LAIR2: variants seen among roughly 807,000 people sequenced by gnomAD.
LAIR2 encodes the protein leukocyte associated immunoglobulin like receptor 2.
Under a neutral mutation model 14.8 loss-of-function variants are expected in LAIR2, and 14 were observed. The ratio of observed to expected loss-of-function variants is 0.95; its 90% CI spans 0.62 to 1.48. The LOEUF is 1.48. Among genes scored for constraint, LAIR2 ranks in the 40% most tolerant of loss-of-function variants. LAIR2 has a pLI of 0.00. For missense variants in LAIR2, 172 were observed against 180.9 expected (o/e 0.95, Z 0.28); for synonymous variants, 75 against 74.5 (o/e 1.01, Z -0.03).
chr19:54,506,701 G>A (rs1179702333), intron 2 of LAIR2, among the ~76,000 whole-genome samples: 2 of 152,162 alleles, frequency 1.3e-5, no homozygotes, highest in African/African-American at 4.8e-5. Flanking sequence ...TCACATTTGC[G>A]GAATTAGCAG....
Position 54,507,880 on chromosome 19 carries a change from T to C in LAIR2, c.71-11T>C. On this transcript the variant is annotated splice_polypyrimidine_tract_variant and intron_variant, in intron 2 of 4. Transcript: ENST00000301202. Reference sequence around the variant, plus strand: ...AGTGGACGCTGAGATCCTTCTTTGCTTCCCTCTTAGGGGCCCTTCCCAGAC... The same window carrying C: ...AGTGGACGCTGAGATCCTTCTTTGCCTCCCTCTTAGGGGCCCTTCCCAGAC... 2 of 1,609,410 alleles carry C rather than the reference T, an allele frequency of 1.2e-6. No homozygotes were observed. The highest frequency in any genetic ancestry group is 8.5e-7 in the Non-Finnish European group (1 of 1,177,126).
rs1214199984 is a variant in LAIR2 at position 54,507,895 on chromosome 19, C to A, written c.75C>A (p.Ala25=). ...CCTTCTTTGCTTCCCTCTTAGGGGC[C>A]CTTCCCAGACCCTCCATCTCGGCTG... ...LAQTIHTQEG[A]LPRPSISAEP... Residue 25 remains alanine (A), a synonymous_variant, in exon 3 of 5, where the codon GCC becomes GCA. Transcript: ENST00000301202. 6.2e-7 allele frequency: 1 copy of A among 1,613,454 alleles called. No individual in the cohort carries two copies. The highest frequency in any genetic ancestry group is 2.2e-5 in the East Asian group (1 of 44,862).
At chr19:54,505,254 C>A (rs2085344712) in intron 2 of LAIR2, among the ~76,000 whole-genome samples, 1 of 152,066 alleles carries the variant, frequency 6.6e-6, no homozygotes, top group South Asian at 2.1e-4. Flanking sequence ...CAGACGAGCC[C>A]ACACTTCACT....
In LAIR2 at chr19:54,502,912, C is replaced by CG; in HGVS notation, c.-3dup. 1 of 1,614,056 alleles carries CG rather than the reference C, an allele frequency of 6.2e-7. No individual in the cohort carries two copies. The highest frequency in any genetic ancestry group is 8.5e-7 in the Non-Finnish European group (1 of 1,179,962). ...TGTGTCTGCTGCAGAGTTCTGGGAC[C>CG]GGGGCCATGTCTCCACACCTCACTG... On this transcript the variant is annotated 5_prime_UTR_variant, in exon 1 of 5. Coordinates refer to ENST00000301202, the MANE Select transcript of LAIR2 (RefSeq NM_002288.6).
intron 4 of LAIR2, among the ~76,000 whole-genome samples, chr19:54,510,044 C>T (rs2085441075): frequency 6.9e-6 from 1 of 145,510 alleles, no homozygotes; most frequent in African/African-American, 2.6e-5. Context: ...GGAGCGATGC[C>T]GTGCTCCATC....
intron 2 of LAIR2, among the ~76,000 whole-genome samples, chr19:54,507,151 C>T (rs1193003711): frequency 1.3e-5 from 2 of 151,252 alleles, no homozygotes; most frequent in Non-Finnish European, 3.0e-5. Flanking sequence ...ACACAACCTT[C>T]CTGTTTCAGG....
At chr19:54,506,268 C>T (rs989582747) in intron 2 of LAIR2, among the ~76,000 whole-genome samples, 30 of 152,090 alleles carry the variant, frequency 2.0e-4, no homozygotes, top group African/African-American at 7.0e-4. Context: ...TCCTCCTGTG[C>T]GAATCATTTT....
At chr19:54,507,571 A>G (rs2277976) in intron 2 of LAIR2, among the ~76,000 whole-genome samples, 12,161 of 124,708 alleles carry the variant, frequency 0.098, 614 homozygotes, top group Non-Finnish European at 0.15. Flanking sequence ...CTGTCCCTCT[A>G]GAAAGTGGCC....
chr19:54,503,415 G>T (rs1348257129), intron 1 of LAIR2, among the ~76,000 whole-genome samples: 1 of 151,440 alleles, frequency 6.6e-6, no homozygotes, highest in Admixed American at 6.6e-5. Context: ...CTAAGATCGC[G>T]CCACTGCACT....
chr19:54,507,002 A>T (rs2085375500), intron 2 of LAIR2, among the ~76,000 whole-genome samples: 2 of 151,958 alleles, frequency 1.3e-5, no homozygotes, highest in East Asian at 3.9e-4. Context: ...CACAGTGTAT[A>T]CCTGTATCAA....
chr19:54,503,963 T>G (rs528209525), intron 2 of LAIR2, among the ~76,000 whole-genome samples: 1 of 152,240 alleles, frequency 6.6e-6, no homozygotes, highest in African/African-American at 2.4e-5. Flanking sequence ...TATTTTATTT[T>G]ATTTTTATTT....
intron 2 of LAIR2, among the ~76,000 whole-genome samples, chr19:54,505,362 CTGGTG>C (rs1217475147): frequency 6.6e-6 from 1 of 152,050 alleles, no homozygotes; most frequent in East Asian, 1.9e-4. Flanking sequence ...TCACCCAGTC[CTGGTG>C]ATTTCACTCT....
intron 4 of LAIR2, 67 bp from the exon 5 acceptor site, chr19:54,510,459 T>C (rs540161936): frequency 4.4e-6 from 6 of 1,367,538 alleles, no homozygotes; most frequent in East Asian, 4.6e-5. Context: ...CTGACATCAG[T>C]GCTGATTAGA....
intron 2 of LAIR2, among the ~76,000 whole-genome samples, chr19:54,506,026 T>C (rs1395811930): frequency 6.6e-6 from 1 of 152,098 alleles, no homozygotes; most frequent in Non-Finnish European, 1.5e-5. Context: ...GGATTCACCA[T>C]GTTGATCAGG....
Position 54,510,613 on chromosome 19 carries a change from A to G in LAIR2, c.*44A>G. On this transcript the variant is annotated 3_prime_UTR_variant, in exon 5 of 5. Transcript: ENST00000301202. ...CCGTCTTGTGAACTTCAATGGGGAG[A>G]AATAATTAGAATGAGCAATAGAAAT... The G allele has an allele frequency of 6.2e-7, 1 of 1,607,200 alleles. No homozygotes were observed. Among genetic ancestry groups the G allele is most frequent in the Non-Finnish European group, 8.5e-7 (1 of 1,173,668 alleles).
At chr19:54,508,457 T>C (rs2085409998) in intron 3 of LAIR2, among the ~76,000 whole-genome samples, 1 of 152,204 alleles carries the variant, frequency 6.6e-6, no homozygotes, top group Non-Finnish European at 1.5e-5. Flanking sequence ...TGGCTCTGCT[T>C]GGCTGGGTGG....
intron 2 of LAIR2, among the ~76,000 whole-genome samples, chr19:54,506,506 A>G (rs2085366485): frequency 6.6e-6 from 1 of 152,110 alleles, no homozygotes; most frequent in Non-Finnish European, 1.5e-5. Context: ...CAGCTCAGAG[A>G]GAGCTTCCCC....
chr19:54,507,968 C>T lies in LAIR2; in HGVS notation c.148C>T (p.Arg50Trp), dbSNP rs549190694. The change falls in exon 3 of 5, where the codon CGG (arginine) becomes TGG (tryptophan). Residue 50 changes from arginine (R) to tryptophan (W), a missense_variant. Coordinates refer to ENST00000301202, the MANE Select transcript of LAIR2 (RefSeq NM_002288.6). ...SPGSHVTFMC[R>W]GPVGVQTFRL... The stretch of plus-strand genomic sequence containing the variant: ...GGGGAGCCATGTGACTTTCATGTGC[C>T]GGGGCCCGGTTGGGGTTCAAACATT... 38 of 1,614,066 alleles carry T rather than the reference C, an allele frequency of 2.4e-5. No homozygotes were observed. The highest frequency in any genetic ancestry group is 1.2e-4 in the African/African-American group (9 of 75,002).
At chr19:54,504,312 C>T (rs537050754) in intron 2 of LAIR2, among the ~76,000 whole-genome samples, 7 of 151,846 alleles carry the variant, frequency 4.6e-5, no homozygotes, top group East Asian at 3.9e-4. Flanking sequence ...TTGTGGGGCA[C>T]GATGTGATGT....
Sources: allele counts gnomAD v4.1 joint callset (sites outside exome capture counted in the v4.1 genomes callset), GRCh38; gene constraint gnomAD v4.1.1; transcripts MANE v1.5; gene names NCBI Gene and HGNC (gene_info 2026-07-23, HGNC 2026-07-21).